RORA: variants seen among roughly 807,000 people sequenced by gnomAD.
RORA encodes the protein RAR related orphan receptor A.
Under a neutral mutation model 69.5 loss-of-function variants are expected in RORA, and 7 were observed. The ratio of observed to expected loss-of-function variants is 0.10; its 90% confidence interval spans 0.06 to 0.19. The LOEUF (loss-of-function observed/expected upper bound fraction) is 0.19, where lower values mean the gene tolerates loss of function less well. Among genes scored for constraint, RORA ranks in the 10% least tolerant of loss-of-function variants. The pLI is 1.00. For missense variants in RORA, 457 were observed against 663.0 expected, an observed-to-expected ratio of 0.69 and a Z score of 3.41; for synonymous variants, 261 against 240.8, an observed-to-expected ratio of 1.08 and a Z score of -0.78.
At chr15:61,013,884 C>T (rs1052469351) in intron 1 of RORA, among the ~76,000 whole-genome samples, 3 of 149,876 alleles carry the variant, frequency 2.0e-5, no homozygotes, top group African/African-American at 4.9e-5. Flanking sequence ...CCCGGGTTCA[C>T]GCCATTATCC....
chr15:60,553,357 C>T (rs1393655971), intron 2 of RORA, among the ~76,000 whole-genome samples: 1 of 152,148 alleles, frequency 6.6e-6, no homozygotes, highest in Non-Finnish European at 1.5e-5. Flanking sequence ...TTGATTGTGA[C>T]ATGTGCCAAG....
chr15:60,870,884 T>A (rs1451794267), intron 1 of RORA, among the ~76,000 whole-genome samples: 1 of 152,190 alleles, frequency 6.6e-6, no homozygotes, highest in Non-Finnish European at 1.5e-5. Flanking sequence ...ATTGTTCTTT[T>A]CCAAGACAAT....
chr15:61,123,742 A>G (rs992560211), intron 1 of RORA, among the ~76,000 whole-genome samples: 14 of 152,076 alleles, frequency 9.2e-5, no homozygotes, highest in African/African-American at 3.1e-4. Context: ...TTTGAGAAGC[A>G]CAGCTCCAGC....
chr15:61,221,677 C>T (rs1029961392), intron 1 of RORA, among the ~76,000 whole-genome samples: 1 of 152,178 alleles, frequency 6.6e-6, no homozygotes, highest in Admixed American at 6.5e-5. Flanking sequence ...ATTTCATAAA[C>T]TTCATCAGTA....
At position 60,490,429 on chromosome 15, in the gene RORA, T is replaced by C. The variant is rs1021188000; in HGVS notation, c.*7026A>G. On this transcript the variant is annotated 3_prime_UTR_variant, in exon 11 of 11. Coordinates refer to ENST00000335670, the MANE Select transcript of RORA (RefSeq NM_134261.3). This position sits in a 1 kb window ranked among gnomAD's most constrained non-coding sequence, Gnocchi z 4.1. ...ATATTTGCACTGAGTAGGCTGTTTA[T>C]AATATAACATTTTCTTATCTATACA... 1.3e-5 allele frequency: 2 copies of C among 152,152 alleles called. No individual in the cohort carries two copies. Among genetic ancestry groups the C allele is most frequent in the African/African-American group, 4.8e-5 (2 of 41,464 alleles). The allele number at this position is 152,152 out of a possible 1,614,324, so 9.4% of individuals were successfully genotyped here. A position where few individuals can be genotyped will look rare whatever the true frequency, so the allele number is the denominator to read the frequency against.
chr15:60,500,232 G>C (rs1394075026), intron 9 of RORA, among the ~76,000 whole-genome samples: 1 of 152,080 alleles, frequency 6.6e-6, no homozygotes, highest in Non-Finnish European at 1.5e-5. Context: ...TTAAAGGAAG[G>C]ATCCTCCCCT....
At chr15:60,661,940 T>C (rs2070310233) in intron 2 of RORA, among the ~76,000 whole-genome samples, 1 of 152,210 alleles carries the variant, frequency 6.6e-6, no homozygotes. Context: ...AGATGTATAT[T>C]GAACCAAAGA....
chr15:61,168,206 G>A (rs773436790), intron 1 of RORA, among the ~76,000 whole-genome samples: 2 of 148,510 alleles, frequency 1.3e-5, no homozygotes, highest in African/African-American at 2.6e-5. Context: ...ATACACGCGC[G>A]TGCGTGCGTG....
At chr15:60,598,861 C>A (rs550045552) in intron 2 of RORA, among the ~76,000 whole-genome samples, 48 of 152,296 alleles carry the variant, frequency 3.2e-4, no homozygotes, top group Admixed American at 5.9e-4. Context: ...GTCTAGCAGG[C>A]TTTTTATGTC....
intron 1 of RORA, among the ~76,000 whole-genome samples, chr15:61,018,427 A>AT (rs1312262102): frequency 3.9e-5 from 6 of 152,210 alleles, no homozygotes; most frequent in Admixed American, 1.3e-4. Context: ...AACAATCAGA[A>AT]AAGTATGGAA....
chr15:60,682,750 G>C (rs2070664144), intron 1 of RORA, among the ~76,000 whole-genome samples: 1 of 152,212 alleles, frequency 6.6e-6, no homozygotes, highest in Non-Finnish European at 1.5e-5. Context: ...CAGCTGTTGT[G>C]CAGGTTTTGA....
chr15:61,151,042 C>T (rs1036608414), intron 1 of RORA, among the ~76,000 whole-genome samples: 4 of 152,224 alleles, frequency 2.6e-5, no homozygotes, highest in Non-Finnish European at 5.9e-5. Context: ...GTAAGTTGCA[C>T]ACATGCTGTA....
At chr15:60,825,015 T>C (rs911735458) in intron 1 of RORA, among the ~76,000 whole-genome samples, 2 of 152,214 alleles carry the variant, frequency 1.3e-5, no homozygotes, top group African/African-American at 4.8e-5. Context: ...TAGAGCTGCC[T>C]ACTGCTGATA....
chr15:61,225,671 C>T (rs1464745276), intron 1 of RORA, among the ~76,000 whole-genome samples: 2 of 152,174 alleles, frequency 1.3e-5, no homozygotes, highest in Non-Finnish European at 2.9e-5. Flanking sequence ...TGTGGTGGTA[C>T]ACAGCCCTGT....
chr15:60,682,539 G>A, intron 1 of RORA: 1 of 152,398 alleles, frequency 6.6e-6, no homozygotes, highest in Non-Finnish European at 1.5e-5. Context: ...AGCTACTCGG[G>A]TGACTGAGGC....
At chr15:61,023,187 C>CAAAAAAAA (rs35185635) in intron 1 of RORA, among the ~76,000 whole-genome samples, 1 of 75,672 alleles carries the variant, frequency 1.3e-5, no homozygotes, top group African/African-American at 5.5e-5. Context: ...GACTCTGCCT[C>CAAAAAAAA]AAAAAAAAAA....
intron 6 of RORA, among the ~76,000 whole-genome samples, chr15:60,504,504 G>A (rs185063066): frequency 7.9e-4 from 121 of 152,252 alleles, no homozygotes; most frequent in Non-Finnish European, 1.1e-3. Flanking sequence ...CCGAGATTGC[G>A]CCAGTGCAAG....
intron 2 of RORA, among the ~76,000 whole-genome samples, chr15:60,661,054 C>T (rs1286406020): frequency 7.1e-6 from 1 of 140,678 alleles, no homozygotes; most frequent in Non-Finnish European, 1.5e-5. Flanking sequence ...CACTGAAATT[C>T]TGGCAAAAAA....
Position 61,226,035 on chromosome 15 carries a change from C to T in RORA, c.166+3018G>A, listed in dbSNP as rs1262416870. 6.6e-6 allele frequency among the ~76,000 whole-genome samples: 1 copy of T among 152,206 alleles called. No individual in the cohort carries two copies. Among genetic ancestry groups the T allele is most frequent in the Non-Finnish European group, 1.5e-5 (1 of 68,042 alleles). On this transcript the variant is annotated intron_variant, in intron 1 of 10. Coordinates refer to ENST00000335670, the MANE Select transcript of RORA (RefSeq NM_134261.3). The surrounding 1 kb of genome is among the most constrained non-coding windows in gnomAD (Gnocchi z 4.2). ...TCGTCTTTCAGATTATAAAGTCACA[C>T]ACCTGATTTTGTAAGCTCAGGCAAT... is the stretch of plus-strand genomic sequence containing the variant.
Sources: gnomAD v4.1 joint callset for allele counts (sites outside exome capture counted in the v4.1 genomes callset) on GRCh38, gnomAD v4.1.1 for gene constraint, Gnocchi (gnomAD v3.1) non-coding constraint, MANE v1.5 for transcripts, NCBI Gene and HGNC (gene_info 2026-07-23, HGNC 2026-07-21) for gene names.